The following BCAS3 variants were observed in gnomAD, a reference collection of about 807,000 sequenced individuals.
BCAS3 encodes BCAS4/BCAS3 fusion.
In BCAS3, 53 loss-of-function variants were observed where a neutral mutation model predicts 116.1. That is an observed-to-expected ratio of 0.46 (90% CI 0.37 to 0.57). The LOEUF (loss-of-function observed/expected upper bound fraction) is 0.57. BCAS3 is among the 20% of genes least tolerant of loss of function. The probability of loss-of-function intolerance (pLI) is 0.00; values close to 1 mark genes in which losing one functional copy is unlikely to be tolerated. For missense variants in BCAS3, 917 were observed against 1,165.4 expected, an observed-to-expected ratio of 0.79 and a Z score of 3.10; for synonymous variants, 391 against 408.2, an observed-to-expected ratio of 0.96 and a Z score of 0.51.
intron 22 of BCAS3, among the ~76,000 whole-genome samples, chr17:61,320,064 A>G (rs945027340): frequency 3.3e-5 from 5 of 150,584 alleles, no homozygotes; most frequent in Admixed American, 2.6e-4. Context: ...TAATTTTTCT[A>G]TTTTTAGTAG....
At chr17:60,831,956 C>T (rs965817461) in intron 7 of BCAS3, among the ~76,000 whole-genome samples, 8 of 151,842 alleles carry the variant, frequency 5.3e-5, no homozygotes, top group Admixed American at 1.3e-4. Context: ...CAGTTTTGTC[C>T]GTGCACCTTT....
intron 22 of BCAS3, among the ~76,000 whole-genome samples, chr17:61,119,355 A>G (rs1004486398): frequency 1.3e-5 from 2 of 152,198 alleles, no homozygotes; most frequent in Non-Finnish European, 2.9e-5. Flanking sequence ...ATCACCTACC[A>G]TGACCAAATG....
At chr17:60,721,968 T>A (rs2039286679) in intron 5 of BCAS3, among the ~76,000 whole-genome samples, 1 of 152,170 alleles carries the variant, frequency 6.6e-6, no homozygotes, top group Non-Finnish European at 1.5e-5. Flanking sequence ...ATTTAAAAGG[T>A]ATGCTCTTAT....
chr17:61,229,499 C>A lies in BCAS3; in HGVS notation c.2426-138828C>A, dbSNP rs1263386112. Among the ~76,000 whole-genome samples, 2 of 152,158 alleles carry A rather than the reference C, an allele frequency of 1.3e-5. No homozygotes were observed. Among genetic ancestry groups the A allele is most frequent in the Non-Finnish European group, 2.9e-5 (2 of 68,032 alleles). On this transcript the variant is annotated intron_variant, in intron 22 of 23. Coordinates refer to ENST00000407086, the MANE Select transcript of BCAS3 (RefSeq NM_017679.5). This position sits in a 1 kb window ranked among gnomAD's most constrained non-coding sequence, Gnocchi z 4.4. Reference sequence around the variant, plus strand: ...AAGATGCCATCTAGGACTTTCATAGCTAGAGAGGAGGAGTCAGTGCCTGGC... The same window carrying A: ...AAGATGCCATCTAGGACTTTCATAGATAGAGAGGAGGAGTCAGTGCCTGGC...
At chr17:61,018,197 G>A (rs1393551830) in intron 16 of BCAS3, among the ~76,000 whole-genome samples, 1 of 149,850 alleles carries the variant, frequency 6.7e-6, no homozygotes, top group Non-Finnish European at 1.5e-5. Flanking sequence ...CCCACAATGA[G>A]TACTAGGTTT....
chr17:60,739,952 G>A (rs2041371768), intron 5 of BCAS3, among the ~76,000 whole-genome samples: 1 of 151,306 alleles, frequency 6.6e-6, no homozygotes, highest in African/African-American at 2.4e-5. Flanking sequence ...ATGAGGAAAA[G>A]GCAATGTAAT....
chr17:61,013,888 C>T lies in BCAS3; in HGVS notation c.1487-1863C>T, dbSNP rs1568121014. On this transcript the variant is annotated intron_variant, in intron 15 of 23. Transcript: ENST00000407086. The surrounding 1 kb of genome is among the most constrained non-coding windows in gnomAD (Gnocchi z 4.4). ...ATCTTGTTACGATTTTTTAGAAAGG[C>T]ACTTTTGACTTTTCACTACCTCTCA... Among the ~76,000 whole-genome samples, 1 of 152,028 alleles carries T rather than the reference C, an allele frequency of 6.6e-6. No individual in the cohort carries two copies. Among genetic ancestry groups the T allele is most frequent in the Non-Finnish European group, 1.5e-5 (1 of 67,962 alleles).
At chr17:61,317,931 G>A (rs1189424495) in intron 22 of BCAS3, among the ~76,000 whole-genome samples, 1 of 151,692 alleles carries the variant, frequency 6.6e-6, no homozygotes, top group Non-Finnish European at 1.5e-5. Context: ...GGTGAGGTCT[G>A]TGGGTGGGGG....
At position 61,222,294 on chromosome 17, in the gene BCAS3, C is replaced by T. The variant is rs2082151928; in HGVS notation, c.2425+137730C>T. On this transcript the variant is annotated intron_variant, in intron 22 of 23. Coordinates refer to ENST00000407086, the MANE Select transcript of BCAS3 (RefSeq NM_017679.5). This position sits in a 1 kb window ranked among gnomAD's most constrained non-coding sequence, Gnocchi z 6.1. ...AAACCATAGACTTCAATTTTGAAAA[C>T]CTCTGTTCTCTTTTACAGTCGAAAA... 6.6e-6 allele frequency among the ~76,000 whole-genome samples: 1 copy of T among 152,118 alleles called. No homozygotes were observed. Among genetic ancestry groups the T allele is most frequent in the Non-Finnish European group, 1.5e-5 (1 of 68,016 alleles).
chr17:60,814,306 T>C (rs76313327), intron 7 of BCAS3, among the ~76,000 whole-genome samples: 16,608 of 148,228 alleles, frequency 0.11, 1,817 homozygotes, highest in African/African-American at 0.29. Context: ...TGTGTGTGTG[T>C]GCGCGCGTGC....
At chr17:60,732,381 CA>C (rs1350571632) in intron 5 of BCAS3, among the ~76,000 whole-genome samples, 1 of 152,142 alleles carries the variant, frequency 6.6e-6, no homozygotes, top group Non-Finnish European at 1.5e-5. Flanking sequence ...CAAGTAAAAA[CA>C]TATAAATAGA....
chr17:60,938,634 A>T (rs187247708), intron 13 of BCAS3, among the ~76,000 whole-genome samples: 4 of 152,326 alleles, frequency 2.6e-5, no homozygotes, highest in Admixed American at 6.5e-5. Flanking sequence ...CAAAATCTTC[A>T]TCAAAATTGG....
chr17:60,689,537 A>G, intron 3 of BCAS3, 149 bp from the exon 4 acceptor site: 1 of 490,600 alleles, frequency 2.0e-6, no homozygotes. Context: ...CTTTGGGGGT[A>G]ATAATGTTCT....
intron 6 of BCAS3, among the ~76,000 whole-genome samples, chr17:60,770,921 C>T (rs2044637936): frequency 1.5e-5 from 2 of 135,074 alleles, no homozygotes; most frequent in African/African-American, 5.2e-5. Context: ...GATCTTGGCT[C>T]ACTACAACCT....
chr17:61,210,814 C>A (rs1487721517), intron 22 of BCAS3, among the ~76,000 whole-genome samples: 2 of 152,192 alleles, frequency 1.3e-5, no homozygotes, highest in African/African-American at 4.8e-5. Flanking sequence ...AGTTGTGCTG[C>A]AGACAGACAA....
chr17:61,214,556 C>T lies in BCAS3; in HGVS notation c.2425+129992C>T, dbSNP rs1165162654. Among the ~76,000 whole-genome samples, 10 of 150,550 alleles carry T rather than the reference C, an allele frequency of 6.6e-5. No individual in the cohort carries two copies. Among genetic ancestry groups the T allele is most frequent in the South Asian group, 2.1e-4 (1 of 4,768 alleles). On this transcript the variant is annotated intron_variant, in intron 22 of 23. Coordinates refer to ENST00000407086, the MANE Select transcript of BCAS3 (RefSeq NM_017679.5). This position sits in a 1 kb window ranked among gnomAD's most constrained non-coding sequence, Gnocchi z 4.4. ...AAAAAAAAAAATTAGCTGGGCGTGG[C>T]GGCGGGCGCCTGTAGTCCCAGCTAC... is the stretch of plus-strand genomic sequence containing the variant.
At chr17:60,795,419 G>T (rs879849284) in intron 6 of BCAS3, among the ~76,000 whole-genome samples, 1 of 151,866 alleles carries the variant, frequency 6.6e-6, no homozygotes, top group Non-Finnish European at 1.5e-5. Context: ...TTTTTCTCTC[G>T]TCTGATTGCT....
intron 22 of BCAS3, among the ~76,000 whole-genome samples, chr17:61,135,186 T>G (rs769559466): frequency 6.6e-6 from 1 of 152,176 alleles, no homozygotes; most frequent in Non-Finnish European, 1.5e-5. Context: ...TGGTACAGAC[T>G]TGGTTTCTTA....
At chr17:61,036,478 A>G (rs1210387982) in intron 17 of BCAS3, 1 of 152,100 alleles carries the variant, frequency 6.6e-6, no homozygotes, top group Non-Finnish European at 1.5e-5. Context: ...TAATGATGCT[A>G]TCGAAAGGAC....
Sources: gnomAD v4.1 joint callset for allele counts (sites outside exome capture counted in the v4.1 genomes callset) on GRCh38, gnomAD v4.1.1 for gene constraint, Gnocchi (gnomAD v3.1) non-coding constraint, MANE v1.5 for transcripts, NCBI Gene and HGNC (gene_info 2026-07-23, HGNC 2026-07-21) for gene names.